The following TUSC3 variants were observed in gnomAD, a reference collection of about 807,000 sequenced individuals.
The protein encoded by TUSC3 is dolichyl-diphosphooligosaccharide--protein glycosyltransferase subunit TUSC3.
TUSC3 carries 45 observed loss-of-function variants against 44.8 expected under a neutral mutation model. That is an observed-to-expected ratio of 1.00 (90% confidence interval 0.79 to 1.29). The LOEUF is 1.29. Ranked by LOEUF, TUSC3 falls within the 50% of genes most tolerant of loss-of-function variation. The pLI is 0.00. For synonymous variants in TUSC3, 212 were observed against 152.9 expected (o/e 1.39, Z -2.85); for missense variants, 519 against 437.9 (o/e 1.19, Z -1.65).
chr8:15,656,013 C>T (rs2129177593), intron 3 of TUSC3, among the ~76,000 whole-genome samples: 1 of 152,248 alleles, frequency 6.6e-6, no homozygotes, highest in South Asian at 2.1e-4. Flanking sequence ...TGTCTTAGTT[C>T]ATTTTGTTCT....
chr8:15,452,963 C>G (rs555325334), intron 1 of TUSC3, among the ~76,000 whole-genome samples: 2 of 152,220 alleles, frequency 1.3e-5, no homozygotes, highest in East Asian at 3.9e-4. Flanking sequence ...CACCACCAGA[C>G]CAGATAGCGA....
chr8:15,762,832 C>A (rs879390316), intron 10 of TUSC3, among the ~76,000 whole-genome samples: 3 of 152,044 alleles, frequency 2.0e-5, no homozygotes, highest in Non-Finnish European at 4.4e-5. Context: ...GCTTTACCAG[C>A]AGTGTTTTTA....
intron 2 of TUSC3, among the ~76,000 whole-genome samples, chr8:15,525,880 G>A (rs541139795): frequency 3.4e-4 from 52 of 152,148 alleles, no homozygotes; most frequent in Non-Finnish European, 6.0e-4. Flanking sequence ...TAGTCACAAA[G>A]TACGTAGGAA....
At chr8:15,560,498 C>G (rs1047337390) in intron 1 of TUSC3, among the ~76,000 whole-genome samples, 9 of 150,976 alleles carry the variant, frequency 6.0e-5, no homozygotes, top group Non-Finnish European at 4.4e-5. Context: ...TTGCTCTTCT[C>G]GAGAAGTATC....
At chr8:15,428,917 G>A (rs1411992970) in intron 1 of TUSC3, among the ~76,000 whole-genome samples, 2 of 152,064 alleles carry the variant, frequency 1.3e-5, no homozygotes, top group African/African-American at 4.8e-5. Context: ...CCATTCTGTA[G>A]GTTGCCTGTT....
chr8:15,492,267 G>C (rs928773441), intron 2 of TUSC3, among the ~76,000 whole-genome samples: 1 of 152,104 alleles, frequency 6.6e-6, no homozygotes, highest in Non-Finnish European at 1.5e-5. Flanking sequence ...CTCAAGAAGA[G>C]CCTGTTCTTT....
intron 2 of TUSC3, among the ~76,000 whole-genome samples, chr8:15,523,109 T>G (rs1563273448): frequency 1.3e-5 from 2 of 152,186 alleles, no homozygotes. Flanking sequence ...ATAAAGCATC[T>G]GCCAGCATGA....
intron 1 of TUSC3, among the ~76,000 whole-genome samples, chr8:15,448,931 A>G (rs1800148549): frequency 1.3e-5 from 2 of 151,932 alleles, no homozygotes; most frequent in Admixed American, 1.3e-4. Flanking sequence ...CTTTTACTTT[A>G]TTTTTTTTAA....
chr8:15,674,341 C>T (rs1257907096), intron 6 of TUSC3, among the ~76,000 whole-genome samples: 2 of 151,884 alleles, frequency 1.3e-5, no homozygotes, highest in African/African-American at 2.4e-5. Context: ...TAACTGCCAC[C>T]GAATTCACAT....
At chr8:15,481,381 A>G (rs1800658904) in intron 1 of TUSC3, among the ~76,000 whole-genome samples, 1 of 152,028 alleles carries the variant, frequency 6.6e-6, no homozygotes, top group South Asian at 2.1e-4. Context: ...TTATTAAAGG[A>G]CAAGTTCAGA....
At chr8:15,656,144 C>T (rs1254442416) in intron 3 of TUSC3, among the ~76,000 whole-genome samples, 3 of 151,938 alleles carry the variant, frequency 2.0e-5, no homozygotes, top group African/African-American at 7.2e-5. Flanking sequence ...ACATTCAAAC[C>T]ATCATATTCT....
intron 1 of TUSC3, among the ~76,000 whole-genome samples, chr8:15,425,729 T>A (rs961221204): frequency 1.3e-5 from 2 of 152,196 alleles, no homozygotes; most frequent in Admixed American, 1.3e-4. Context: ...ATGGCTTTGA[T>A]CTCATGGCTA....
intron 6 of TUSC3, among the ~76,000 whole-genome samples, chr8:15,722,809 G>T (rs1346404107): frequency 6.9e-6 from 1 of 145,214 alleles, no homozygotes; most frequent in African/African-American, 2.5e-5. Flanking sequence ...CAGTTCATTT[G>T]TTATTAAAAA....
chr8:15,483,680 A>G (rs1361879589), intron 2 of TUSC3, among the ~76,000 whole-genome samples: 3 of 46,680 alleles, frequency 6.4e-5, no homozygotes, highest in African/African-American at 2.3e-4. Flanking sequence ...TTTTGAGACT[A>G]AGTTTCGCTC....
intron 6 of TUSC3, among the ~76,000 whole-genome samples, chr8:15,692,455 G>C (rs1275951703): frequency 7.7e-6 from 1 of 129,424 alleles, no homozygotes; most frequent in Non-Finnish European, 1.6e-5. Context: ...GGTAGAATTT[G>C]GCTTTGAATC....
intron 6 of TUSC3, among the ~76,000 whole-genome samples, chr8:15,716,656 T>C (rs1334404697): frequency 6.6e-6 from 1 of 152,152 alleles, no homozygotes; most frequent in African/African-American, 2.4e-5. Context: ...ATGTACTAAC[T>C]ACGAAATATC....
intron 1 of TUSC3, among the ~76,000 whole-genome samples, chr8:15,577,206 A>G (rs1183992702): frequency 2.1e-4 from 31 of 150,472 alleles, no homozygotes; most frequent in African/African-American, 4.9e-4. Context: ...TAGATTCTGG[A>G]TATTAGCCCT....
chr8:15,774,584 T>C, the TUSC3 span, among the ~76,000 whole-genome samples: 2 of 152,154 alleles, frequency 1.3e-5, no homozygotes, highest in Admixed American at 1.3e-4. Context: ...CTCCAGAACA[T>C]TAAGATCGTA....
intron 7 of TUSC3, among the ~76,000 whole-genome samples, chr8:15,741,988 C>T (rs1182411348): frequency 6.6e-6 from 1 of 152,200 alleles, no homozygotes; most frequent in East Asian, 1.9e-4. Flanking sequence ...TGTCCCATGT[C>T]TGTGGATTCG....
Sources: allele counts gnomAD v4.1 joint callset (sites outside exome capture counted in the v4.1 genomes callset), GRCh38; gene constraint gnomAD v4.1.1; transcripts MANE v1.5; gene names NCBI Gene and HGNC (gene_info 2026-07-23, HGNC 2026-07-21).